Variants in ASPG observed in about 807,000 individuals in gnomAD.
ASPG encodes 60 kDa lysophospholipase.
In ASPG, 53 loss-of-function variants were observed where a neutral mutation model predicts 63.2. The observed-to-expected ratio is 0.84, with a 90% CI of 0.67 to 1.05. The LOEUF is 1.05. ASPG is among the 50% of genes least tolerant of loss of function. The pLI is 0.00. For missense variants in ASPG, 741 were observed against 794.4 expected (o/e 0.93, Z 0.81); for synonymous variants, 370 against 355.0 (o/e 1.04, Z -0.48).
intron 6 of ASPG, among the ~76,000 whole-genome samples, chr14:104,100,754 G>A (rs2036839311): frequency 6.6e-6 from 1 of 152,260 alleles, no homozygotes; most frequent in Non-Finnish European, 1.5e-5. Context: ...GCTTCTTGGA[G>A]GAGGTGGCTT....
At chr14:104,102,237 C>T (rs1026790401) in intron 6 of ASPG, among the ~76,000 whole-genome samples, 1 of 152,082 alleles carries the variant, frequency 6.6e-6, no homozygotes, top group African/African-American at 2.4e-5. Context: ...GCTGTGGGCT[C>T]TGGTGGGGGT....
chr14:104,106,392 G>A (rs771412402), intron 10 of ASPG, among the ~76,000 whole-genome samples: 6 of 152,188 alleles, frequency 3.9e-5, no homozygotes, highest in Admixed American at 6.5e-5. Flanking sequence ...AGGTGCAGCC[G>A]TGGGAACAGG....
Position 104,112,745 on chromosome 14 carries a change from C to T in ASPG, c.*201C>T, listed in dbSNP as rs2037416852. The T allele has an allele frequency of 2.4e-6, 3 of 1,263,486 alleles. No homozygotes were observed. Among genetic ancestry groups the T allele is most frequent in the Non-Finnish European group, 3.3e-6 (3 of 922,468 alleles). 78.3% of individuals were successfully genotyped at this position (1,263,486 alleles called of 1,614,324 possible). The stretch of plus-strand genomic sequence containing the variant: ...ACAGCCTGGCTCTGAGAGGCTCTGT[C>T]TGGGTCCGGGACTGTGGATGTGTGT... On this transcript the variant is annotated 3_prime_UTR_variant, in exon 16 of 16. Transcript: ENST00000551177.
intron 7 of ASPG, 39 bp downstream of exon 7, chr14:104,103,714 AG>A: frequency 6.6e-7 from 1 of 1,518,532 alleles, no homozygotes; most frequent in Non-Finnish European, 8.9e-7. Context: ...TGCAGCCCTG[AG>A]CCCCAGCCCT....
chr14:104,098,064 ATGGAGGTTTTG>A (rs2036697513), intron 5 of ASPG, among the ~76,000 whole-genome samples: 8 of 93,956 alleles, frequency 8.5e-5, no homozygotes, highest in Admixed American at 3.2e-4. Flanking sequence ...AGAGATGCGT[ATGGAGGTTTTG>A]CGTTAGAGAT....
intron 3 of ASPG, among the ~76,000 whole-genome samples, chr14:104,094,371 G>T (rs2036502931): frequency 6.6e-6 from 1 of 152,028 alleles, no homozygotes; most frequent in Non-Finnish European, 1.5e-5. Flanking sequence ...GTCTTGGTTG[G>T]AGTCTTAGTG....
rs576313369 is a variant in ASPG at position 104,103,477 on chromosome 14, G to A, written c.641-86G>A. ...GGGCTCTGAAAACAAGGGAGGAGGCGGCCTGTGCAGAGGGCCAGGCACTGG... is the reference window on the plus strand; with the variant it reads ...GGGCTCTGAAAACAAGGGAGGAGGCAGCCTGTGCAGAGGGCCAGGCACTGG... On this transcript the variant is annotated intron_variant, in intron 6 of 15. Transcript: ENST00000551177. The A allele has an allele frequency of 3.0e-5, 35 of 1,158,826 alleles. No individual in the cohort carries two copies. In the South Asian group the frequency reaches 3.1e-4, roughly 10 times the overall value. The allele number at this position is 1,158,826 out of a possible 1,614,324, so 71.8% of individuals were successfully genotyped here. A position where few individuals can be genotyped will look rare whatever the true frequency, so the allele number is the denominator to read the frequency against.
Position 104,085,846 on chromosome 14 carries a change from C to T in ASPG, c.76C>T (p.Leu26Phe), listed in dbSNP as rs757374521. The T allele has an allele frequency of 1.7e-5, 27 of 1,585,370 alleles. No homozygotes were observed. The East Asian group carries it at 5.7e-4, about 33-fold the overall frequency. Residue 26 changes from leucine to phenylalanine, a missense_variant, in exon 1 of 16, where the codon CTC becomes TTC. Transcript: ENST00000551177. ...CGGCACCATTGGCATGCGGAGTGAG[C>T]TCGGCGGTGAGTCCGAGACCCTGGG... ...TGGTIGMRSE[L>F]GVLVPGTGLA...
At chr14:104,108,882 G>T (rs566512480) in intron 12 of ASPG, 2 of 985,400 alleles carry the variant, frequency 2.0e-6, no homozygotes, top group South Asian at 9.4e-5. Flanking sequence ...CCTTGGAATG[G>T]GTTGGGGAGA....
intron 6 of ASPG, 76 bp downstream of exon 6, chr14:104,099,055 G>C: frequency 6.6e-7 from 1 of 1,513,218 alleles, no homozygotes; most frequent in African/African-American, 1.4e-5. Flanking sequence ...GGGAGCTCGT[G>C]GCTGGGACTC....
chr14:104,103,800 C>G (rs1317010008), intron 7 of ASPG, 125 bp downstream of exon 7: 1 of 763,002 alleles, frequency 1.3e-6, no homozygotes, highest in Admixed American at 2.7e-5. Flanking sequence ...CCTGAGATGT[C>G]TGCAGTGTGG....
chr14:104,096,497 C>G (rs779309059), intron 4 of ASPG, among the ~76,000 whole-genome samples: 4 of 152,134 alleles, frequency 2.6e-5, no homozygotes, highest in Admixed American at 6.5e-5. Context: ...GCCCACTGCA[C>G]ACACCTGTTA....
Position 104,098,654 on chromosome 14 carries a change from G to A in ASPG, c.514-199G>A, listed in dbSNP as rs1358943057. ...CCCCTGCAGGCTCCGGTTAGCCCACGGGTAGGTGGCAGGGCAGGAAAGGGC... is the reference window on the plus strand; with the variant it reads ...CCCCTGCAGGCTCCGGTTAGCCCACAGGTAGGTGGCAGGGCAGGAAAGGGC... On this transcript the variant is annotated intron_variant, in intron 5 of 15. Transcript: ENST00000551177. Among the ~76,000 whole-genome samples, 5 of 152,026 alleles carry A rather than the reference G, an allele frequency of 3.3e-5. 1 individual carries two copies. Among genetic ancestry groups the A allele is most frequent in the Admixed American group, 1.3e-4 (2 of 15,284 alleles).
chr14:104,105,556 G>T, intron 10 of ASPG, 106 bp downstream of exon 10: 1 of 1,415,380 alleles, frequency 7.1e-7, no homozygotes. Context: ...CATCACTCGA[G>T]CCCAAACAGT....
chr14:104,111,495 C>A lies in ASPG; in HGVS notation c.1521-7C>A. 2 of 1,548,944 alleles carry A rather than the reference C, an allele frequency of 1.3e-6. No homozygotes were observed. Among genetic ancestry groups the A allele is most frequent in the African/African-American group, 1.4e-5 (1 of 73,100 alleles). ...CCCAACAACTCCTCCTCTGCCCCCA[C>A]CCCCAGGCTGGCATACAGGGCCGAC... is the stretch of plus-strand genomic sequence containing the variant. On this transcript the variant is annotated splice_polypyrimidine_tract_variant and splice_region_variant and intron_variant, in intron 13 of 15. Transcript: ENST00000551177.
At chr14:104,108,393 C>T (rs2141051360) in intron 12 of ASPG, 1 of 985,276 alleles carries the variant, frequency 1.0e-6, no homozygotes, top group Non-Finnish European at 1.2e-6. Flanking sequence ...CCTCCTGACT[C>T]ACAGGACCAG....
In ASPG at chr14:104,109,498, A is replaced by T. The variant is rs974408688; in HGVS notation, c.1520+183A>T. Among the ~76,000 whole-genome samples the T allele has an allele frequency of 6.6e-6, 1 of 152,174 alleles. No individual in the cohort carries two copies. The highest frequency in any genetic ancestry group is 1.5e-5 in the Non-Finnish European group (1 of 67,988). On this transcript the variant is annotated intron_variant, in intron 13 of 15. Transcript: ENST00000551177. This position sits in a 1 kb window ranked among gnomAD's most constrained non-coding sequence, Gnocchi z 4.8. ...AGAGGTGTCTACCCTGGACCATGTC[A>T]TGGGGCAGGGGAAGGAGTTGTTCTC...
chr14:104,101,935 C>T (rs2036895886), intron 6 of ASPG, among the ~76,000 whole-genome samples: 1 of 152,200 alleles, frequency 6.6e-6, no homozygotes, highest in Admixed American at 6.5e-5. Context: ...CACCAGCGCT[C>T]CTCTCTGCCC....
At chr14:104,086,290 C>A (rs765018814) in intron 1 of ASPG, among the ~76,000 whole-genome samples, 1 of 152,130 alleles carries the variant, frequency 6.6e-6, no homozygotes, top group South Asian at 2.1e-4. Context: ...AGGGTGTCCC[C>A]GTCCCCTGGG....
Sources: gnomAD v4.1 joint callset for allele counts (sites outside exome capture counted in the v4.1 genomes callset) on GRCh38, gnomAD v4.1.1 for gene constraint, Gnocchi (gnomAD v3.1) non-coding constraint, MANE v1.5 for transcripts, NCBI Gene and HGNC (gene_info 2026-07-23, HGNC 2026-07-21) for gene names.